The following SCAND3 variants were observed in gnomAD, a reference collection of about 807,000 sequenced individuals.
The protein encoded by SCAND3 is SCAN domain-containing protein 3.
At chr6:28,604,215 T>A in the SCAND3 span, among the ~76,000 whole-genome samples, 3 of 152,230 alleles carry the variant, frequency 2.0e-5, no homozygotes, top group African/African-American at 7.2e-5. Flanking sequence ...TTGCTTCACA[T>A]GTTCCATGTT....
the SCAND3 span, among the ~76,000 whole-genome samples, chr6:28,580,570 T>C: frequency 1.3e-5 from 2 of 152,400 alleles, no homozygotes; most frequent in African/African-American, 4.8e-5. Flanking sequence ...ATAAGGTATC[T>C]TATGTAAATT....
chr6:28,590,337 G>A, the SCAND3 span: 1 of 152,448 alleles, frequency 6.6e-6, no homozygotes. Flanking sequence ...CGAAGCATCC[G>A]GGAAACAGTC....
chr6:28,586,344 G>A, the SCAND3 span: 1 of 1,613,236 alleles, frequency 6.2e-7, no homozygotes, highest in Non-Finnish European at 8.5e-7. The surrounding 1 kb of genome is among the most constrained non-coding windows in gnomAD (Gnocchi z 4.4). Flanking sequence ...TTCCAGCAAA[G>A]TCACCACCTC....
chr6:28,615,193 T>C, the SCAND3 span, among the ~76,000 whole-genome samples: 3 of 152,250 alleles, frequency 2.0e-5, no homozygotes, highest in African/African-American at 4.8e-5. Flanking sequence ...TGTTTGTTAC[T>C]GAACTGGTGG....
chr6:28,579,170 A>C, the SCAND3 span: 1 of 1,066,986 alleles, frequency 9.4e-7, no homozygotes, highest in Non-Finnish European at 1.4e-6. This position sits in a 1 kb window ranked among gnomAD's most constrained non-coding sequence, Gnocchi z 4.5. Context: ...CTATTAATAC[A>C]TTCAGTAGAA....
the SCAND3 span, chr6:28,576,015 T>C: frequency 1.2e-6 from 2 of 1,613,908 alleles, no homozygotes; most frequent in Admixed American, 1.7e-5. Flanking sequence ...GTAACCTTGC[T>C]AAGCTTCTGA....
the SCAND3 span, among the ~76,000 whole-genome samples, chr6:28,608,127 G>A: frequency 1.3e-5 from 2 of 152,166 alleles, no homozygotes; most frequent in Non-Finnish European, 2.9e-5. Flanking sequence ...TCCAAGTTAA[G>A]CCCGCTCCCA....
chr6:28,608,051 T>C, the SCAND3 span, among the ~76,000 whole-genome samples: 1 of 152,298 alleles, frequency 6.6e-6, no homozygotes, highest in African/African-American at 2.4e-5. Context: ...AGACCCGCTC[T>C]CTTATCTGTA....
the SCAND3 span, chr6:28,575,019 TCTTA>T: frequency 1.2e-6 from 2 of 1,614,124 alleles, no homozygotes; most frequent in Non-Finnish European, 1.7e-6. The surrounding 1 kb of genome is among the most constrained non-coding windows in gnomAD (Gnocchi z 4.2). Context: ...CATACTGGGC[TCTTA>T]AAGTATTTTC....
At chr6:28,589,408 G>C in the SCAND3 span, 1 of 151,970 alleles carries the variant, frequency 6.6e-6, no homozygotes, top group Non-Finnish European at 1.5e-5. Context: ...TAGCACTCTG[G>C]ACTTTGAATC....
chr6:28,613,969 T>G, the SCAND3 span, among the ~76,000 whole-genome samples: 2 of 143,546 alleles, frequency 1.4e-5, no homozygotes, highest in South Asian at 4.3e-4. Context: ...TTTCTTTTCT[T>G]TTTTTTTTTT....
the SCAND3 span, among the ~76,000 whole-genome samples, chr6:28,604,712 T>A: frequency 6.6e-6 from 1 of 152,188 alleles, no homozygotes; most frequent in Non-Finnish European, 1.5e-5. Context: ...TCATTTGTAA[T>A]CATATCCTTA....
At chr6:28,586,327 C>G in the SCAND3 span, 1 of 1,611,510 alleles carries the variant, frequency 6.2e-7, no homozygotes, top group South Asian at 1.1e-5. This position sits in a 1 kb window ranked among gnomAD's most constrained non-coding sequence, Gnocchi z 4.4. Context: ...AGCTCCCTCT[C>G]CAAATCTTCC....
At chr6:28,615,999 G>A in the SCAND3 span, 2 of 152,124 alleles carry the variant, frequency 1.3e-5, no homozygotes, top group Admixed American at 6.5e-5. Context: ...AAAAGTTTTC[G>A]GGGAAGCTGA....
At chr6:28,602,816 A>G in the SCAND3 span, among the ~76,000 whole-genome samples, 1 of 152,134 alleles carries the variant, frequency 6.6e-6, no homozygotes, top group South Asian at 2.1e-4. Flanking sequence ...AACTTGGAGT[A>G]TTGTTGCTTT....
chr6:28,589,217 T>G, the SCAND3 span: 1 of 152,226 alleles, frequency 6.6e-6, no homozygotes, highest in Non-Finnish European at 1.5e-5. Flanking sequence ...TCCCTGAATT[T>G]TATTTTGACA....
the SCAND3 span, among the ~76,000 whole-genome samples, chr6:28,596,664 A>G: frequency 6.6e-6 from 1 of 152,192 alleles, no homozygotes; most frequent in Admixed American, 6.5e-5. Context: ...AATCACAAGT[A>G]GAAACTATTC....
At chr6:28,584,546 G>C in the SCAND3 span, among the ~76,000 whole-genome samples, 1 of 152,132 alleles carries the variant, frequency 6.6e-6, no homozygotes, top group South Asian at 2.1e-4. Flanking sequence ...ACTGGCATTT[G>C]CACCCAGCAT....
At chr6:28,587,802 G>A in the SCAND3 span, 2 of 150,108 alleles carry the variant, frequency 1.3e-5, no homozygotes, top group African/African-American at 4.9e-5. Flanking sequence ...AGCCTCAGTT[G>A]TTTAGTCACG....
Sources: allele counts gnomAD v4.1 joint callset (sites outside exome capture counted in the v4.1 genomes callset), GRCh38; gene constraint gnomAD v4.1.1; non-coding constraint Gnocchi (gnomAD v3.1); transcripts MANE v1.5; gene names NCBI Gene and HGNC (gene_info 2026-07-23, HGNC 2026-07-21).